The following MYO1D variants were observed in gnomAD, a reference collection of about 807,000 sequenced individuals.
MYO1D encodes the protein unconventional myosin-Id.
A neutral mutation model predicts 122.0 loss-of-function variants in MYO1D; 83 were observed. The observed-to-expected ratio is 0.68, with a 90% CI of 0.57 to 0.82. MYO1D has a LOEUF of 0.82. Among genes scored for constraint, MYO1D ranks in the 40% least tolerant of loss-of-function variants. The pLI, the probability that MYO1D is intolerant of heterozygous loss-of-function variation, is 0.00. For synonymous variants in MYO1D, 464 were observed against 446.9 expected, an observed-to-expected ratio of 1.04 and a Z score of -0.48; for missense variants, 1,157 against 1,269.5, an observed-to-expected ratio of 0.91 and a Z score of 1.35.
chr17:32,672,811 C>T (rs1257623243), intron 16 of MYO1D, among the ~76,000 whole-genome samples: 1 of 151,990 alleles, frequency 6.6e-6, no homozygotes, highest in Non-Finnish European at 1.5e-5. Flanking sequence ...GGCATCAGCA[C>T]AGTTTTCATT....
chr17:32,825,225 T>G (rs921488799), intron 1 of MYO1D, among the ~76,000 whole-genome samples: 1 of 152,232 alleles, frequency 6.6e-6, no homozygotes, highest in Admixed American at 6.5e-5. Context: ...AATACATTAC[T>G]TTATAAACAC....
At chr17:32,494,947 T>G (rs745848521) in intron 21 of MYO1D, 32 bp from the exon 22 acceptor site, 2 of 1,566,288 alleles carry the variant, frequency 1.3e-6, no homozygotes, top group Non-Finnish European at 1.7e-6. Flanking sequence ...GACGGGCAGT[T>G]AGCAGGCAGC....
At chr17:32,666,206 C>T (rs1290896080) in intron 16 of MYO1D, among the ~76,000 whole-genome samples, 1 of 152,194 alleles carries the variant, frequency 6.6e-6, no homozygotes, top group Non-Finnish European at 1.5e-5. Flanking sequence ...TCCCTACCTA[C>T]AGAGGCACCC....
At position 32,755,775 on chromosome 17, in the gene MYO1D, G is replaced by A. The variant is rs537647890; in HGVS notation, c.1297-113C>T. 25 of 841,684 alleles carry A rather than the reference G, an allele frequency of 3.0e-5. No homozygotes were observed. The Admixed American group carries it at 6.2e-4, about 21-fold the overall frequency. 52.1% of individuals were successfully genotyped at this position (841,684 alleles called of 1,614,324 possible). A position where few individuals can be genotyped will look rare whatever the true frequency, so the allele number is the denominator to read the frequency against. ...AGGTAAAACTACTTTGGTGTCAAAT[G>A]TGTGAATAACATTAAAGAGGTCTTA... On this transcript the variant is annotated intron_variant, in intron 10 of 21. Coordinates refer to ENST00000318217, the MANE Select transcript of MYO1D (RefSeq NM_015194.3).
At chr17:32,688,236 T>G (rs9892102) in intron 16 of MYO1D, among the ~76,000 whole-genome samples, 11 of 152,206 alleles carry the variant, frequency 7.2e-5, no homozygotes, top group Admixed American at 5.9e-4. Context: ...CAACTCCTAC[T>G]TGTAAAATGA....
At chr17:32,614,588 G>A (rs940791825) in intron 20 of MYO1D, among the ~76,000 whole-genome samples, 4 of 152,028 alleles carry the variant, frequency 2.6e-5, no homozygotes, top group African/African-American at 9.7e-5. Context: ...CTGTTCATCT[G>A]TCTCTCCTAA....
rs549641415 is a variant in MYO1D at position 32,771,818 on chromosome 17, T to G, written c.619-598A>C. On this transcript the variant is annotated intron_variant, in intron 5 of 21. Coordinates refer to ENST00000318217, the MANE Select transcript of MYO1D (RefSeq NM_015194.3). ...AGGTTATTGAAATAAACAGAACTCT[T>G]TTATATTTGGTAGAAAAATAGCTTA... Among the ~76,000 whole-genome samples, 19 of 152,320 alleles carry G rather than the reference T, an allele frequency of 1.2e-4. No individual in the cohort carries two copies. The East Asian group carries it at 3.7e-3, about 29-fold the overall frequency.
At chr17:32,538,584 G>A (rs116165629) in intron 21 of MYO1D, among the ~76,000 whole-genome samples, 2,565 of 151,906 alleles carry the variant, frequency 0.017, 41 homozygotes, top group Middle Eastern at 0.044. Flanking sequence ...ATAGGCATGA[G>A]CCACCATGCC....
chr17:32,765,522 G>A (rs1450396857), intron 7 of MYO1D, among the ~76,000 whole-genome samples: 3 of 151,760 alleles, frequency 2.0e-5, no homozygotes, highest in South Asian at 2.1e-4. Context: ...CAAGTGGTGC[G>A]ATCTTGGCTC....
chr17:32,750,241 G>C (rs1598064008), intron 11 of MYO1D, among the ~76,000 whole-genome samples: 1 of 152,168 alleles, frequency 6.6e-6, no homozygotes, highest in Non-Finnish European at 1.5e-5. Context: ...GTAGCATCTA[G>C]ACTTCTTTGT....
intron 1 of MYO1D, among the ~76,000 whole-genome samples, chr17:32,871,376 C>A (rs1036080327): frequency 2.0e-5 from 3 of 152,040 alleles, no homozygotes; most frequent in African/African-American, 7.2e-5. Context: ...TCTAAAATGT[C>A]AATAGTGACA....
chr17:32,590,768 A>G (rs138749759), intron 21 of MYO1D, among the ~76,000 whole-genome samples: 3 of 152,362 alleles, frequency 2.0e-5, no homozygotes, highest in East Asian at 1.9e-4. Context: ...CTGACATTCA[A>G]TTTAGAAAAA....
At chr17:32,566,289 T>A (rs1414568775) in intron 21 of MYO1D, among the ~76,000 whole-genome samples, 1 of 151,916 alleles carries the variant, frequency 6.6e-6, no homozygotes, top group Non-Finnish European at 1.5e-5. Flanking sequence ...GACTTAGACT[T>A]GTTTGAGGAG....
chr17:32,545,984 T>A (rs933683502), intron 21 of MYO1D, among the ~76,000 whole-genome samples: 2 of 152,178 alleles, frequency 1.3e-5, no homozygotes, highest in Non-Finnish European at 2.9e-5. Flanking sequence ...TTTATTGGGT[T>A]TGAACCAGGG....
At chr17:32,588,629 T>C (rs987117088) in intron 21 of MYO1D, among the ~76,000 whole-genome samples, 1 of 152,184 alleles carries the variant, frequency 6.6e-6, no homozygotes, top group African/African-American at 2.4e-5. Context: ...TGACTTCTGG[T>C]GAACTAATTT....
chr17:32,617,997 T>C (rs1047054814), intron 20 of MYO1D, among the ~76,000 whole-genome samples: 1 of 152,212 alleles, frequency 6.6e-6, no homozygotes, highest in African/African-American at 2.4e-5. Flanking sequence ...GATTCAAAGT[T>C]GTTATGGTGA....
intron 1 of MYO1D, among the ~76,000 whole-genome samples, chr17:32,782,480 C>T (rs757740454): frequency 2.6e-5 from 4 of 152,162 alleles, no homozygotes; most frequent in African/African-American, 4.8e-5. Flanking sequence ...CCTCTACCCT[C>T]GGACATTGAA....
intron 1 of MYO1D, among the ~76,000 whole-genome samples, chr17:32,858,834 G>A (rs1394108989): frequency 1.3e-5 from 2 of 152,134 alleles, no homozygotes; most frequent in East Asian, 1.9e-4. Context: ...CATGGTTTCC[G>A]ATTTCATTTT....
chr17:32,816,307 C>T (rs1056854022), intron 1 of MYO1D, among the ~76,000 whole-genome samples: 5 of 152,128 alleles, frequency 3.3e-5, no homozygotes, highest in Admixed American at 2.0e-4. Context: ...CTGTATTAAA[C>T]ATGAGACCTG....
Sources: gnomAD v4.1 joint callset for allele counts (sites outside exome capture counted in the v4.1 genomes callset) on GRCh38, gnomAD v4.1.1 for gene constraint, MANE v1.5 for transcripts, NCBI Gene and HGNC (gene_info 2026-07-23, HGNC 2026-07-21) for gene names.